Variants in NDUFA10 observed in about 807,000 individuals in gnomAD.
NDUFA10 encodes the protein NADH:ubiquinone oxidoreductase subunit A10.
NDUFA10 carries 40 observed loss-of-function variants against 47.8 expected under a neutral mutation model. That is an observed-to-expected ratio of 0.84 (90% CI 0.65 to 1.09). The LOEUF (loss-of-function observed/expected upper bound fraction) is 1.09, where lower values mean the gene tolerates loss of function less well. Ranked by LOEUF, NDUFA10 falls within the 50% of genes least tolerant of loss-of-function variation. NDUFA10 has a pLI of 0.00. For missense variants in NDUFA10, 413 were observed against 451.1 expected, an observed-to-expected ratio of 0.92 and a Z score of 0.76; for synonymous variants, 183 against 172.2, an observed-to-expected ratio of 1.06 and a Z score of -0.49.
intron 9 of NDUFA10, among the ~76,000 whole-genome samples, chr2:239,985,008 C>A (rs1440468911): frequency 6.6e-6 from 1 of 152,226 alleles, no homozygotes; most frequent in African/African-American, 2.4e-5. Flanking sequence ...TTCCTGAGCG[C>A]TCTCAGGGGA....
At chr2:239,963,882 G>C (rs1174458569) in intron 9 of NDUFA10, among the ~76,000 whole-genome samples, 2 of 152,190 alleles carry the variant, frequency 1.3e-5, no homozygotes, top group South Asian at 2.1e-4. Flanking sequence ...GAGGAGCTGG[G>C]TGTGACCACG....
At chr2:239,938,290 C>T (rs907681991) in intron 4 of NDUFA10, among the ~76,000 whole-genome samples, 6 of 152,204 alleles carry the variant, frequency 3.9e-5, no homozygotes, top group Non-Finnish European at 7.3e-5. Flanking sequence ...CTACAGACAC[C>T]TGCTGTCCAG....
At chr2:239,962,210 T>TACACACACACACACACAC (rs59356951) in intron 9 of NDUFA10, among the ~76,000 whole-genome samples, 14 of 149,658 alleles carry the variant, frequency 9.4e-5, no homozygotes, top group African/African-American at 3.4e-4. Context: ...TCAATTTGTG[T>TACACACACACACACACAC]ACACACACAC....
chr2:239,925,993 C>T (rs1047761140), intron 4 of NDUFA10, among the ~76,000 whole-genome samples: 1 of 152,196 alleles, frequency 6.6e-6, no homozygotes, highest in Admixed American at 6.5e-5. Context: ...AGAGACCACA[C>T]CAAAGCCTGA....
At chr2:239,933,998 C>T (rs1694221514) in intron 4 of NDUFA10, among the ~76,000 whole-genome samples, 1 of 152,152 alleles carries the variant, frequency 6.6e-6, no homozygotes, top group Non-Finnish European at 1.5e-5. Context: ...GCTGGGACTA[C>T]AGGTGCACAC....
chr2:240,008,235 TTCAGAG>T (rs1231239555), intron 6 of NDUFA10, among the ~76,000 whole-genome samples: 1 of 152,166 alleles, frequency 6.6e-6, no homozygotes, highest in Non-Finnish European at 1.5e-5. Flanking sequence ...TAACTCACAA[TTCAGAG>T]TCATACAACT....
intron 1 of NDUFA10, among the ~76,000 whole-genome samples, chr2:240,022,558 T>A (rs1429926835): frequency 6.6e-6 from 1 of 151,760 alleles, no homozygotes; most frequent in Non-Finnish European, 1.5e-5. Flanking sequence ...GTTTGTTCAC[T>A]GCTAAATCCT....
chr2:239,946,970 C>T (rs191054671), intron 4 of NDUFA10, among the ~76,000 whole-genome samples: 49 of 152,360 alleles, frequency 3.2e-4, no homozygotes, highest in Middle Eastern at 3.4e-3. Context: ...GGGAACCCTG[C>T]GTGAAGTGCC....
intron 4 of NDUFA10, among the ~76,000 whole-genome samples, chr2:239,929,873 C>G (rs1219773817): frequency 1.3e-5 from 2 of 150,280 alleles, no homozygotes; most frequent in Non-Finnish European, 3.0e-5. Context: ...TCAGCCAGCC[C>G]TGCTCCTCCA....
rs913333701 is a variant in NDUFA10 at position 239,945,821 on chromosome 2, C to T, written c.294+44253G>A. Among the ~76,000 whole-genome samples, 26 of 138,412 alleles carry T rather than the reference C, an allele frequency of 1.9e-4. No homozygotes were observed. The highest frequency in any genetic ancestry group is 5.9e-4 in the African/African-American group (22 of 37,212). 90.8% of individuals were successfully genotyped at this position (138,412 alleles called of 152,430 possible). On this transcript the variant is annotated intron_variant, in intron 4 of 5. Transcript: ENST00000419408. The surrounding 1 kb of genome is among the most constrained non-coding windows in gnomAD (Gnocchi z 4.6). ...GACCACTCCAGACCCCCCTGAAGGC[C>T]GTCCCCAGGCTTCAAGGGCCCACAG...
intron 4 of NDUFA10, among the ~76,000 whole-genome samples, chr2:239,947,531 C>T (rs1694474388): frequency 6.6e-6 from 1 of 152,218 alleles, no homozygotes; most frequent in Non-Finnish European, 1.5e-5. Context: ...CCAGTAAGCC[C>T]CGCCCTCTCT....
At chr2:239,908,982 G>A (rs1319965503) in intron 4 of NDUFA10, among the ~76,000 whole-genome samples, 2 of 152,156 alleles carry the variant, frequency 1.3e-5, no homozygotes, top group Non-Finnish European at 2.9e-5. Context: ...CGAAGGTGTG[G>A]TCTGAGCCGG....
In NDUFA10 at chr2:239,923,511, G is replaced by C. The variant is rs1038741940; in HGVS notation, c.295-28197C>G. On this transcript the variant is annotated intron_variant, in intron 4 of 5. Coordinates refer to the NDUFA10 transcript ENST00000419408. ...CAAAGCACTTGAAAATTAAACAACAGATTTATAAATAATACATGGGTTCAA... is the reference window on the plus strand; with the variant it reads ...CAAAGCACTTGAAAATTAAACAACACATTTATAAATAATACATGGGTTCAA... Among the ~76,000 whole-genome samples, 3 of 152,090 alleles carry C rather than the reference G, an allele frequency of 2.0e-5. 1 individual carries two copies. Among genetic ancestry groups the C allele is most frequent in the Admixed American group, 2.0e-4 (3 of 15,264 alleles).
Position 239,911,670 on chromosome 2 carries a change from A to AGAGTGT in NDUFA10, c.295-16357_295-16356insACACTC, listed in dbSNP as rs1553554441. 2.2e-3 allele frequency among the ~76,000 whole-genome samples: 323 copies of AGAGTGT among 146,652 alleles called. 3 individuals carry two copies. Among genetic ancestry groups the AGAGTGT allele is most frequent in the African/African-American group, 6.8e-3 (269 of 39,326 alleles). On this transcript the variant is annotated intron_variant, in intron 4 of 5. Transcript: ENST00000419408. The stretch of plus-strand genomic sequence containing the variant: ...CAGCCCAGACACCAAAACATGAGAG[A>AGAGTGT]GTGTGTGTGCGTGTGTGTGTGTGTG...
At chr2:239,937,350 G>A (rs949521984) in intron 4 of NDUFA10, among the ~76,000 whole-genome samples, 3 of 152,156 alleles carry the variant, frequency 2.0e-5, no homozygotes, top group Non-Finnish European at 2.9e-5. Flanking sequence ...GATGCCTCAT[G>A]CCCATGGACA....
At chr2:239,923,594 A>G (rs1032192802) in intron 4 of NDUFA10, among the ~76,000 whole-genome samples, 5 of 152,160 alleles carry the variant, frequency 3.3e-5, no homozygotes, top group African/African-American at 9.7e-5. Context: ...AAACACACAC[A>G]TCAAAATTTG....
chr2:239,952,609 C>T (rs2106384989), downstream of NDUFA10, among the ~76,000 whole-genome samples: 1 of 152,290 alleles, frequency 6.6e-6, no homozygotes, highest in East Asian at 1.9e-4. Context: ...CCCCTCTCTT[C>T]CTCCCAGAGG....
chr2:239,993,434 AG>A (rs1290814311), intron 8 of NDUFA10, among the ~76,000 whole-genome samples: 8 of 152,222 alleles, frequency 5.3e-5, no homozygotes, highest in Admixed American at 1.3e-4. Flanking sequence ...AAAGACTGCT[AG>A]GATTTCTAGG....
rs1018922490 is a variant in NDUFA10 at position 239,963,252 on chromosome 2, G to A, written c.1000-2066C>T. ...GCCAGTGATGCCAAGACAGCCCAGG[G>A]GGTTTGGTATTGTGGGATCCCAGGA... On this transcript the variant is annotated intron_variant, in intron 9 of 9. Transcript: ENST00000252711. Among the ~76,000 whole-genome samples, 7 of 152,320 alleles carry A rather than the reference G, an allele frequency of 4.6e-5. No homozygotes were observed. The East Asian group carries it at 1.2e-3, about 25-fold the overall frequency.
Sources: gnomAD v4.1 joint callset for allele counts (sites outside exome capture counted in the v4.1 genomes callset) on GRCh38, gnomAD v4.1.1 for gene constraint, Gnocchi (gnomAD v3.1) non-coding constraint, MANE v1.5 for transcripts, NCBI Gene and HGNC (gene_info 2026-07-23, HGNC 2026-07-21) for gene names.